The following NAA25 variants were observed in gnomAD, a reference collection of about 807,000 sequenced individuals.
The protein encoded by NAA25 is N-alpha-acetyltransferase 25, NatB auxiliary subunit.
NAA25 carries 30 observed loss-of-function variants against 132.5 expected under a neutral mutation model. The ratio of observed to expected loss-of-function variants is 0.23; its 90% CI spans 0.17 to 0.31. The LOEUF is 0.31. NAA25 is among the 10% of genes least tolerant of loss of function. NAA25 has a pLI of 1.00. For missense variants in NAA25, 771 were observed against 1,150.4 expected, an observed-to-expected ratio of 0.67 and a Z score of 4.77; for synonymous variants, 359 against 401.9, an observed-to-expected ratio of 0.89 and a Z score of 1.28.
Position 112,068,955 on chromosome 12 carries a change from C to T in NAA25, c.1074G>A (p.Lys358=). The change falls in exon 11 of 24, where the codon AAG becomes AAA. Residue 358 remains lysine (K), a synonymous_variant. Coordinates refer to ENST00000261745, the MANE Select transcript of NAA25 (RefSeq NM_024953.4). Reference sequence around the variant, plus strand: ...TAAAACAACAAGGTTTATCGCCAAACTTTTTAAAATACTGGAACATTAATT... The same window carrying T: ...TAAAACAACAAGGTTTATCGCCAAATTTTTTAAAATACTGGAACATTAATT... ...PEELMFQYFK[K]FGDKPCCFTD... is the part of the protein sequence containing the mutation. The T allele has an allele frequency of 1.9e-6, 3 of 1,613,118 alleles. No homozygotes were observed. Among genetic ancestry groups the T allele is most frequent in the Non-Finnish European group, 2.5e-6 (3 of 1,179,300 alleles).
intron 1 of NAA25, among the ~76,000 whole-genome samples, chr12:112,099,593 AT>A (rs1320737519): frequency 6.6e-6 from 1 of 152,174 alleles, no homozygotes; most frequent in African/African-American, 2.4e-5. Context: ...GCAAGACACT[AT>A]CAAAATTTGT....
At chr12:112,068,342 C>A (rs192311794) in intron 11 of NAA25, among the ~76,000 whole-genome samples, 24 of 152,170 alleles carry the variant, frequency 1.6e-4, no homozygotes, top group Non-Finnish European at 2.5e-4. Context: ...TGGGACTGTT[C>A]TGTATCTTGA....
chr12:112,087,647 A>T, intron 4 of NAA25, 36 bp downstream of exon 4: 1 of 1,431,548 alleles, frequency 7.0e-7, no homozygotes, highest in Non-Finnish European at 9.8e-7. Flanking sequence ...TCTAATAGTA[A>T]ATCCCATAGC....
At position 112,054,495 on chromosome 12, in the gene NAA25, C is replaced by G; in HGVS notation, c.1521G>C (p.Gln507His). The change falls in exon 14 of 24, where the codon CAG becomes CAC. Residue 507 changes from glutamine (Q) to histidine (H), a missense_variant. Around this residue, in one of 3 missense-constraint regions of NAA25, gnomAD observed 417 missense variants for 733.8 expected, o/e 0.57. Coordinates refer to ENST00000261745, the MANE Select transcript of NAA25 (RefSeq NM_024953.4). Reference sequence around the variant, plus strand: ...AGATTCGAACAAGCAGCAATTTGAACTGAGCATTGGAAGGGCTATGGGTTA... The same window carrying G: ...AGATTCGAACAAGCAGCAATTTGAAGTGAGCATTGGAAGGGCTATGGGTTA... ...EGLTHSPSNA[Q>H]FKLLLVRIYC... The G allele has an allele frequency of 6.2e-7, 1 of 1,614,154 alleles. No homozygotes were observed. Among genetic ancestry groups the G allele is most frequent in the Non-Finnish European group, 8.5e-7 (1 of 1,180,028 alleles).
At chr12:112,036,098 G>A (rs752788839) in intron 22 of NAA25, among the ~76,000 whole-genome samples, 2 of 152,138 alleles carry the variant, frequency 1.3e-5, no homozygotes. Context: ...GAGCTGTAAT[G>A]AGCACTAAAT....
At chr12:112,040,980 ATAATCT>A (rs2136811740) in intron 20 of NAA25, among the ~76,000 whole-genome samples, 1 of 152,208 alleles carries the variant, frequency 6.6e-6, no homozygotes, top group East Asian at 1.9e-4. Context: ...TTTTATTATC[ATAATCT>A]TAATCATTTT....
At chr12:112,035,740 C>T (rs900165643) in intron 22 of NAA25, among the ~76,000 whole-genome samples, 1 of 150,006 alleles carries the variant, frequency 6.7e-6, no homozygotes, top group African/African-American at 2.5e-5. Context: ...TACAGTGGTG[C>T]GATCACAGCT....
intron 4 of NAA25, among the ~76,000 whole-genome samples, chr12:112,086,073 T>TACACACACACACAC (rs1555238727): frequency 9.3e-5 from 5 of 53,980 alleles, no homozygotes; most frequent in East Asian, 2.3e-3. Context: ...TATATATATA[T>TACACACACACACAC]ACACACACAC....
intron 3 of NAA25, among the ~76,000 whole-genome samples, chr12:112,088,438 G>T (rs551008435): frequency 7.1e-6 from 1 of 140,106 alleles, no homozygotes; most frequent in Admixed American, 7.8e-5. Flanking sequence ...GTAATTCTCC[G>T]ACCTCAGCCT....
At chr12:112,033,081 A>T in intron 23 of NAA25, 152 bp downstream of exon 23, 1 of 867,646 alleles carries the variant, frequency 1.2e-6, no homozygotes, top group South Asian at 2.9e-5. Flanking sequence ...CAACACAACA[A>T]GAAACTACTG....
chr12:112,083,479 G>C lies in NAA25; in HGVS notation c.403-2345C>G, dbSNP rs531799651. On this transcript the variant is annotated intron_variant, in intron 4 of 23. Transcript: ENST00000261745. The stretch of plus-strand genomic sequence containing the variant: ...GGAATTGCACCACTGCAATTCAGCT[G>C]GTGCTGAATTGCACTCCAGCCTGGG... Among the ~76,000 whole-genome samples the C allele has an allele frequency of 6.6e-5, 10 of 151,754 alleles. No individual in the cohort carries two copies. In the East Asian group the frequency reaches 1.8e-3, roughly 27 times the overall value.
At chr12:112,097,881 G>A (rs1050635812) in intron 1 of NAA25, among the ~76,000 whole-genome samples, 1 of 151,786 alleles carries the variant, frequency 6.6e-6, no homozygotes, top group Non-Finnish European at 1.5e-5. Context: ...ACTTTGGGAG[G>A]CAGAGGCAGA....
chr12:112,080,846 T>C (rs1430598665), intron 5 of NAA25, among the ~76,000 whole-genome samples: 4 of 152,060 alleles, frequency 2.6e-5, no homozygotes, highest in Non-Finnish European at 5.9e-5. Context: ...TGTGCACCTG[T>C]AGTCCCAGCT....
At chr12:112,078,332 T>C (rs1404542162) in intron 6 of NAA25, 66 bp from the exon 7 acceptor site, 6 of 1,233,716 alleles carry the variant, frequency 4.9e-6, no homozygotes, top group Middle Eastern at 2.1e-4. Context: ...CAGTCATTTA[T>C]AGGTTTTTAA....
At chr12:112,035,481 C>G (rs1030538022) in intron 22 of NAA25, 5 of 152,166 alleles carry the variant, frequency 3.3e-5, no homozygotes, top group African/African-American at 1.2e-4. Context: ...TACTCTTGAT[C>G]AGTTAAATCA....
rs754077230 is a variant in NAA25 at position 112,033,262 on chromosome 12, G to C, written c.2767C>G (p.Leu923Val). Residue 923 changes from leucine (L) to valine (V), a missense_variant, in exon 23 of 24, where the codon CTT becomes GTT. This residue lies in a region of NAA25 where 324 missense variants were observed against 400.0 expected (regional missense o/e 0.81). Coordinates refer to ENST00000261745, the MANE Select transcript of NAA25 (RefSeq NM_024953.4). ...GAGAGAGAAGTGTCTTCTAAAATAA[G>C]TTCTTCAAGTTTAAGTGCAATTAGA... ...THLIALKLEE[L>V]ILEDTSLSPE... The C allele has an allele frequency of 1.2e-6, 2 of 1,607,026 alleles. No individual in the cohort carries two copies. Among genetic ancestry groups the C allele is most frequent in the African/African-American group, 2.7e-5 (2 of 74,474 alleles).
chr12:112,076,032 G>GCCA (rs2078891781), intron 7 of NAA25, among the ~76,000 whole-genome samples: 1 of 152,034 alleles, frequency 6.6e-6, no homozygotes, highest in African/African-American at 2.4e-5. Flanking sequence ...ACAGGCATCT[G>GCCA]CCACCACGCC....
intron 1 of NAA25, among the ~76,000 whole-genome samples, chr12:112,100,866 C>T (rs2079285736): frequency 6.6e-6 from 1 of 152,136 alleles, no homozygotes; most frequent in Admixed American, 6.6e-5. Flanking sequence ...CATCCACCTG[C>T]CTTGGCCTCC....
intron 2 of NAA25, 111 bp from the exon 3 acceptor site, chr12:112,090,975 T>G: frequency 9.2e-7 from 1 of 1,084,726 alleles, no homozygotes; most frequent in Non-Finnish European, 1.3e-6. Context: ...GTTGCTGATA[T>G]ACTAGTTTCA....
Sources: allele counts gnomAD v4.1 joint callset (sites outside exome capture counted in the v4.1 genomes callset), GRCh38; gene constraint gnomAD v4.1.1; regional missense constraint gnomAD v4.1.1; transcripts MANE v1.5; gene names NCBI Gene and HGNC (gene_info 2026-07-23, HGNC 2026-07-21).